Variants in GPATCH2L observed in about 807,000 individuals in gnomAD.
GPATCH2L encodes the protein G patch domain-containing protein 2-like.
Under a neutral mutation model 57.4 loss-of-function variants are expected in GPATCH2L, and 31 were observed. The observed-to-expected ratio is 0.54, with a 90% CI of 0.41 to 0.73. The LOEUF is 0.73. GPATCH2L is among the 30% of genes least tolerant of loss of function. The probability of loss-of-function intolerance (pLI) is 0.00; values close to 1 mark genes in which losing one functional copy is unlikely to be tolerated. For synonymous variants in GPATCH2L, 199 were observed against 210.7 expected, an observed-to-expected ratio of 0.94 and a Z score of 0.48; for missense variants, 481 against 599.9, an observed-to-expected ratio of 0.80 and a Z score of 2.07.
intron 1 of GPATCH2L, among the ~76,000 whole-genome samples, chr14:76,224,490 T>A (rs1344160888): frequency 1.3e-5 from 2 of 151,994 alleles, no homozygotes; most frequent in Non-Finnish European, 2.9e-5. Flanking sequence ...TTTGATAAAA[T>A]CAAATACTTA....
At chr14:76,172,469 C>T (rs1357424301) in intron 4 of GPATCH2L, among the ~76,000 whole-genome samples, 2 of 151,920 alleles carry the variant, frequency 1.3e-5, no homozygotes, top group African/African-American at 4.8e-5. Flanking sequence ...TTTTAATGAC[C>T]CTATTGGGAC....
intron 8 of GPATCH2L, among the ~76,000 whole-genome samples, chr14:76,185,529 G>C (rs1187839561): frequency 2.0e-5 from 3 of 152,168 alleles, no homozygotes; most frequent in Non-Finnish European, 4.4e-5. Context: ...TCAATCACCA[G>C]TTGCAGTTTT....
intron 2 of GPATCH2L, among the ~76,000 whole-genome samples, chr14:76,233,359 A>G (rs965934499): frequency 6.6e-6 from 1 of 152,188 alleles, no homozygotes; most frequent in Non-Finnish European, 1.5e-5. Context: ...AATTCTGGCA[A>G]TTTGATAGAT....
At chr14:76,163,638 A>T (rs1019089968) in intron 2 of GPATCH2L, among the ~76,000 whole-genome samples, 1 of 152,220 alleles carries the variant, frequency 6.6e-6, no homozygotes, top group Non-Finnish European at 1.5e-5. Flanking sequence ...TTGGTACCCT[A>T]GAAGTAGCTT....
chr14:76,231,835 T>C (rs896787295), intron 2 of GPATCH2L, among the ~76,000 whole-genome samples: 13 of 152,366 alleles, frequency 8.5e-5, no homozygotes, highest in Non-Finnish European at 1.9e-4. Flanking sequence ...TACATGTATA[T>C]AGTAATTATA....
rs2040394931 is a variant in GPATCH2L, at chr14:76,207,722, T to G, written c.*5871T>G. The G allele has an allele frequency of 6.6e-6, 1 of 152,216 alleles. No homozygotes were observed. Among genetic ancestry groups the G allele is most frequent in the Admixed American group, 6.5e-5 (1 of 15,278 alleles). 9.4% of individuals were successfully genotyped at this position (152,216 alleles called of 1,614,324 possible). ...TTTCAGCTAGCAATTTTGCAGGGGT[T>G]GGAGACCAATAGCGATGTCATGCTT... On this transcript the variant is annotated 3_prime_UTR_variant, in exon 10 of 10. Coordinates refer to ENST00000261530, the MANE Select transcript of GPATCH2L (RefSeq NM_017926.4).
At chr14:76,170,964 A>G (rs1184643641) in intron 3 of GPATCH2L, among the ~76,000 whole-genome samples, 1 of 151,950 alleles carries the variant, frequency 6.6e-6, no homozygotes, top group East Asian at 1.9e-4. Flanking sequence ...GAGATGACAT[A>G]TTTACAGATT....
intron 8 of GPATCH2L, among the ~76,000 whole-genome samples, chr14:76,195,127 C>G (rs2040106438): frequency 6.6e-6 from 1 of 152,054 alleles, no homozygotes; most frequent in East Asian, 1.9e-4. Context: ...CAGGATCTGT[C>G]TAGTTTGAGA....
intron 1 of GPATCH2L, among the ~76,000 whole-genome samples, chr14:76,224,675 T>A (rs2040529009): frequency 6.6e-6 from 1 of 152,150 alleles, no homozygotes; most frequent in Non-Finnish European, 1.5e-5. Flanking sequence ...CTAGAGATCT[T>A]AACCATTGCA....
In GPATCH2L at chr14:76,213,793, G is replaced by A. The variant is rs1180075828; in HGVS notation, c.*11942G>A. On this transcript the variant is annotated 3_prime_UTR_variant, in exon 10 of 10. Transcript: ENST00000261530. ...TCTAATGTTAACTTACATACCAATG[G>A]TACAATTATTGAAACTAGGAAATTA... 6.6e-6 allele frequency: 1 copy of A among 152,076 alleles called. No homozygotes were observed. The highest frequency in any genetic ancestry group is 1.5e-5 in the Non-Finnish European group (1 of 68,004). The allele number at this position is 152,076 out of a possible 1,614,324, so 9.4% of individuals were successfully genotyped here.
intron 8 of GPATCH2L, among the ~76,000 whole-genome samples, chr14:76,185,012 C>A (rs1413168076): frequency 6.6e-6 from 1 of 152,172 alleles, no homozygotes; most frequent in African/African-American, 2.4e-5. Context: ...ATGGTATGCA[C>A]CATTCCTTAC....
At chr14:76,226,445 A>G (rs1455890958) in intron 1 of GPATCH2L, among the ~76,000 whole-genome samples, 5 of 152,198 alleles carry the variant, frequency 3.3e-5, no homozygotes, top group African/African-American at 1.2e-4. Flanking sequence ...TGTAGATGTG[A>G]GTAGTAACTG....
Position 76,154,159 on chromosome 14 carries a change from G to T in GPATCH2L, c.-10-195G>T. On this transcript the variant is annotated intron_variant, in intron 1 of 9. Transcript: ENST00000261530. This position sits in a 1 kb window ranked among gnomAD's most constrained non-coding sequence, Gnocchi z 4.4. ...ACAAGGGACAAAACATCTATTTTTA[G>T]TGACTTAAGGAAGTGGTAGGAACAG... is the stretch of plus-strand genomic sequence containing the variant. 1 of 485,158 alleles carries T rather than the reference G, an allele frequency of 2.1e-6. No individual in the cohort carries two copies. 30.1% of individuals were successfully genotyped at this position (485,158 alleles called of 1,614,324 possible). A position where few individuals can be genotyped will look rare whatever the true frequency, so the allele number is the denominator to read the frequency against.
At chr14:76,172,258 A>T (rs1358034162) in intron 4 of GPATCH2L, among the ~76,000 whole-genome samples, 2 of 152,332 alleles carry the variant, frequency 1.3e-5, no homozygotes, top group East Asian at 3.9e-4. Context: ...AGATTCCTTC[A>T]GCTTGCCATT....
chr14:76,194,048 G>A (rs2040068875), intron 8 of GPATCH2L, among the ~76,000 whole-genome samples: 1 of 152,070 alleles, frequency 6.6e-6, no homozygotes, highest in Non-Finnish European at 1.5e-5. Flanking sequence ...TTTTCTGCTT[G>A]TGTCTGGACT....
At chr14:76,234,007 G>C (rs536129351) in intron 2 of GPATCH2L, among the ~76,000 whole-genome samples, 6 of 152,178 alleles carry the variant, frequency 3.9e-5, no homozygotes, top group Non-Finnish European at 7.3e-5. Flanking sequence ...ATACCTAGGA[G>C]GCTGAGGCAG....
chr14:76,182,035 A>G (rs932838506), intron 8 of GPATCH2L, among the ~76,000 whole-genome samples: 1 of 152,190 alleles, frequency 6.6e-6, no homozygotes, highest in Admixed American at 6.5e-5. Flanking sequence ...GTCTTTTGAA[A>G]AGAGAGACCA....
chr14:76,211,783 G>A lies in GPATCH2L; in HGVS notation c.*9932G>A, dbSNP rs1282812014. 2 of 152,258 alleles carry A rather than the reference G, an allele frequency of 1.3e-5. No homozygotes were observed. Among genetic ancestry groups the A allele is most frequent in the South Asian group, 2.1e-4 (1 of 4,822 alleles). 9.4% of individuals were successfully genotyped at this position (152,258 alleles called of 1,614,324 possible). ...AAACCAATCTGCTGGCTCACACTAA[G>A]TTCTGATCCCATGATTTTGGTCTCA... On this transcript the variant is annotated 3_prime_UTR_variant, in exon 10 of 10. Transcript: ENST00000261530.
At chr14:76,175,902 G>C (rs1302737053) in intron 5 of GPATCH2L, 1 of 152,192 alleles carries the variant, frequency 6.6e-6, no homozygotes, top group Non-Finnish European at 1.5e-5. Context: ...AGGTGCCATG[G>C]TAGGTAAGCA....
Sources: allele counts gnomAD v4.1 joint callset (sites outside exome capture counted in the v4.1 genomes callset), GRCh38; gene constraint gnomAD v4.1.1; non-coding constraint Gnocchi (gnomAD v3.1); transcripts MANE v1.5; gene names NCBI Gene and HGNC (gene_info 2026-07-23, HGNC 2026-07-21).